Variants in FOXO3 observed in about 807,000 individuals in gnomAD.
The protein encoded by FOXO3 is forkhead box protein O3.
Under a neutral mutation model 41.9 loss-of-function variants are expected in FOXO3, and 4 were observed. The observed-to-expected ratio is 0.10, with a 90% CI of 0.05 to 0.22. The LOEUF (loss-of-function observed/expected upper bound fraction) is 0.22. Ranked by LOEUF, FOXO3 falls within the 10% of genes least tolerant of loss-of-function variation. The pLI is 1.00. For missense variants in FOXO3, 534 were observed against 906.8 expected, an observed-to-expected ratio of 0.59 and a Z score of 5.28; for synonymous variants, 318 against 389.3, an observed-to-expected ratio of 0.82 and a Z score of 2.16.
At chr6:108,648,383 T>C (rs7744829) in intron 1 of FOXO3, among the ~76,000 whole-genome samples, 6,716 of 152,232 alleles carry the variant, frequency 0.044, 430 homozygotes, top group African/African-American at 0.14. Context: ...GAGTAACAGC[T>C]GAAAAAGATG....
intron 2 of FOXO3, among the ~76,000 whole-genome samples, chr6:108,678,866 A>ATTTT (rs1770724993): frequency 7.1e-5 from 5 of 70,650 alleles, no homozygotes; most frequent in Non-Finnish European, 1.8e-4. Flanking sequence ...CATTTCTTAA[A>ATTTT]TTCTTTTTTT....
rs114912485 is a variant in FOXO3, at chr6:108,677,576, G to A, written c.*35-2251G>A. 8.9e-3 allele frequency among the ~76,000 whole-genome samples: 1,354 copies of A among 152,272 alleles called. 18 individuals are homozygous for A. Among genetic ancestry groups the A allele is most frequent in the African/African-American group, 0.031 (1,284 of 41,544 alleles). ...GGAACTGGAGAGAGATCTGAATTAG[G>A]TAGTACTTTACAGCTTCTCCCTCGG... On this transcript the variant is annotated intron_variant, in intron 2 of 2. Coordinates refer to ENST00000406360, the MANE Select transcript of FOXO3 (RefSeq NM_001455.4).
At chr6:108,595,648 A>G (rs1776861216) in intron 1 of FOXO3, among the ~76,000 whole-genome samples, 1 of 152,212 alleles carries the variant, frequency 6.6e-6, no homozygotes, top group African/African-American at 2.4e-5. Flanking sequence ...CCTTGAAAAG[A>G]AAGGATCAAA....
At chr6:108,632,906 C>T (rs1322767468) in intron 1 of FOXO3, among the ~76,000 whole-genome samples, 1 of 152,038 alleles carries the variant, frequency 6.6e-6, no homozygotes, top group African/African-American at 2.4e-5. Context: ...TAAAAACTTG[C>T]AAAATCATAT....
At chr6:108,584,975 A>G (rs1409245428) in intron 1 of FOXO3, among the ~76,000 whole-genome samples, 2 of 128,692 alleles carry the variant, frequency 1.6e-5, no homozygotes, top group South Asian at 2.7e-4. Context: ...TTCCTGATCT[A>G]TGGCTTTGGC....
intron 1 of FOXO3, among the ~76,000 whole-genome samples, chr6:108,659,993 T>G (rs12212067): frequency 0.13 from 20,476 of 152,096 alleles, 1,528 homozygotes; most frequent in African/African-American, 0.2. Flanking sequence ...TTTAAGGGGG[T>G]ATAGCTGAAT....
intron 2 of FOXO3, among the ~76,000 whole-genome samples, chr6:108,675,677 G>A (rs1770559842): frequency 6.6e-6 from 1 of 152,154 alleles, no homozygotes; most frequent in Admixed American, 6.5e-5. Flanking sequence ...ATTTTTGCTT[G>A]TGGGGCAAAC....
At chr6:108,679,113 T>C (rs9398173) in intron 2 of FOXO3, among the ~76,000 whole-genome samples, 84,036 of 151,708 alleles carry the variant, frequency 0.55, 26,750 homozygotes, top group East Asian at 0.71. Context: ...CCTCGTGATC[T>C]GCCCTCCTCA....
At chr6:108,633,581 C>A (rs1778033692) in intron 1 of FOXO3, among the ~76,000 whole-genome samples, 1 of 152,124 alleles carries the variant, frequency 6.6e-6, no homozygotes, top group Admixed American at 6.6e-5. Flanking sequence ...GCATTTACTA[C>A]ATGAAGGTCA....
Position 108,672,357 on chromosome 6 carries a change from C to T in FOXO3, c.*34+7468C>T, listed in dbSNP as rs186568615. Among the ~76,000 whole-genome samples, 102 of 152,232 alleles carry T rather than the reference C, an allele frequency of 6.7e-4. 1 individual carries two copies. Among genetic ancestry groups the T allele is most frequent in the African/African-American group, 2.4e-3 (100 of 41,540 alleles). Reference sequence around the variant, plus strand: ...TGTACCCTTAACATCTCTTCGAATTCTAAGTTGAGTGAAAACCCAGAAAAA... The same window carrying T: ...TGTACCCTTAACATCTCTTCGAATTTTAAGTTGAGTGAAAACCCAGAAAAA... On this transcript the variant is annotated intron_variant, in intron 2 of 2. Coordinates refer to ENST00000406360, the MANE Select transcript of FOXO3 (RefSeq NM_001455.4).
intron 1 of FOXO3, among the ~76,000 whole-genome samples, chr6:108,632,542 C>G (rs1270208751): frequency 2.0e-5 from 3 of 152,178 alleles, no homozygotes; most frequent in Admixed American, 6.6e-5. Context: ...GATATGGCTG[C>G]AGATGCCTTT....
In FOXO3 at chr6:108,620,609, A is replaced by G. The variant is rs76069991; in HGVS notation, c.622-42846A>G. Among the ~76,000 whole-genome samples, 1,323 of 152,344 alleles carry G rather than the reference A, an allele frequency of 8.7e-3. 18 individuals carry two copies. Among genetic ancestry groups the G allele is most frequent in the African/African-American group, 0.03 (1,249 of 41,566 alleles). On this transcript the variant is annotated intron_variant, in intron 1 of 2. Transcript: ENST00000406360. ...TGAAGCCACGCTTCTGATTGTGAGA[A>G]TGAGAACATCAAGTCATTATTTATC...
At chr6:108,574,152 CAAAAAAA>C (rs1200932714) in intron 1 of FOXO3, among the ~76,000 whole-genome samples, 3 of 72,800 alleles carry the variant, frequency 4.1e-5, no homozygotes, top group Non-Finnish European at 8.4e-5. Flanking sequence ...GACTCTGTCT[CAAAAAAA>C]AAAAAAAAAA....
intron 1 of FOXO3, among the ~76,000 whole-genome samples, chr6:108,623,431 C>T (rs912373786): frequency 6.6e-6 from 1 of 152,140 alleles, no homozygotes; most frequent in Non-Finnish European, 1.5e-5. Context: ...AAGCTTGCCA[C>T]CCCCAGGTTC....
intron 1 of FOXO3, among the ~76,000 whole-genome samples, chr6:108,578,218 C>A (rs1471304165): frequency 6.6e-6 from 1 of 152,174 alleles, no homozygotes; most frequent in Non-Finnish European, 1.5e-5. Context: ...CTCAGGCTTA[C>A]CCCACACAGA....
chr6:108,573,062 G>A (rs1028733443), intron 1 of FOXO3, among the ~76,000 whole-genome samples: 40 of 152,048 alleles, frequency 2.6e-4, no homozygotes, highest in Admixed American at 2.3e-3. Context: ...TGAGGTGGGC[G>A]GATCACGAGG....
Position 108,682,530 on chromosome 6 carries a change from G to A in FOXO3, c.*2738G>A, listed in dbSNP as rs1372690298. 6.6e-6 allele frequency: 1 copy of A among 152,388 alleles called. No homozygotes were observed. Among genetic ancestry groups the A allele is most frequent in the Non-Finnish European group, 1.5e-5 (1 of 68,180 alleles). The allele number at this position is 152,388 out of a possible 1,614,324, so 9.4% of individuals were successfully genotyped here. A position where few individuals can be genotyped will look rare whatever the true frequency, so the allele number is the denominator to read the frequency against. On this transcript the variant is annotated 3_prime_UTR_variant, in exon 3 of 3. Coordinates refer to ENST00000406360, the MANE Select transcript of FOXO3 (RefSeq NM_001455.4). ...CTGGAGAGGGTCAGCCGAGAATCTGGTAGTGAAGCCTGTCTAGGGTCCCGG... is the reference window on the plus strand; with the variant it reads ...CTGGAGAGGGTCAGCCGAGAATCTGATAGTGAAGCCTGTCTAGGGTCCCGG...
intron 1 of FOXO3, among the ~76,000 whole-genome samples, chr6:108,587,114 G>A (rs889120549): frequency 5.3e-5 from 8 of 151,942 alleles, no homozygotes; most frequent in East Asian, 1.9e-4. Context: ...CAGCCTATTC[G>A]TTTTTAATTT....
intron 1 of FOXO3, among the ~76,000 whole-genome samples, chr6:108,627,716 T>TA (rs1163029336): frequency 2.0e-3 from 289 of 146,410 alleles, no homozygotes; most frequent in Non-Finnish European, 2.4e-3. Context: ...AAAGAAATAG[T>TA]AAAAAAAAAA....
Sources: allele counts gnomAD v4.1 joint callset (sites outside exome capture counted in the v4.1 genomes callset), GRCh38; gene constraint gnomAD v4.1.1; transcripts MANE v1.5; gene names NCBI Gene and HGNC (gene_info 2026-07-23, HGNC 2026-07-21).